RBFOX1: variants seen among roughly 807,000 people sequenced by gnomAD.
The protein encoded by RBFOX1 is RNA binding protein fox-1 homolog 1.
A neutral mutation model predicts 57.7 loss-of-function variants in RBFOX1; 8 were observed. The observed-to-expected ratio is 0.14, with a 90% CI of 0.08 to 0.25. The LOEUF (loss-of-function observed/expected upper bound fraction) is 0.25. RBFOX1 is among the 10% of genes least tolerant of loss of function. The probability of loss-of-function intolerance (pLI) is 1.00; values close to 1 mark genes in which losing one functional copy is unlikely to be tolerated. For missense variants in RBFOX1, 611 were observed against 548.5 expected (o/e 1.11, Z -1.14); for synonymous variants, 326 against 222.4 (o/e 1.47, Z -4.15).
At chr16:5,881,538 G>T (rs1043175439) in intron 4 of RBFOX1, among the ~76,000 whole-genome samples, 2 of 152,100 alleles carry the variant, frequency 1.3e-5, no homozygotes, top group Non-Finnish European at 2.9e-5. Context: ...AAATTAGCTG[G>T]GTGTGGTGGC....
At chr16:7,309,407 G>T (rs1447752392) in intron 4 of RBFOX1, among the ~76,000 whole-genome samples, 1 of 152,176 alleles carries the variant, frequency 6.6e-6, no homozygotes, top group Non-Finnish European at 1.5e-5. Context: ...TCTGAAAATT[G>T]TAAGCATCTG....
At chr16:6,503,794 C>T (rs1567472069) in intron 2 of RBFOX1, among the ~76,000 whole-genome samples, 1 of 152,144 alleles carries the variant, frequency 6.6e-6, no homozygotes, top group Non-Finnish European at 1.5e-5. Context: ...GGAAGCTTCA[C>T]ACTCACCTGG....
intron 4 of RBFOX1, among the ~76,000 whole-genome samples, chr16:7,063,960 A>T (rs1247004730): frequency 6.6e-6 from 1 of 152,138 alleles, no homozygotes; most frequent in East Asian, 1.9e-4. Context: ...TCTTGACACC[A>T]AGGTCCATGG....
intron 2 of RBFOX1, among the ~76,000 whole-genome samples, chr16:6,578,461 G>A (rs933591328): frequency 6.6e-6 from 1 of 152,062 alleles, no homozygotes; most frequent in Non-Finnish European, 1.5e-5. Flanking sequence ...CTGCTTCTCT[G>A]GGTATTTGGG....
chr16:6,926,764 T>G lies in RBFOX1; in HGVS notation c.-15-125293T>G, dbSNP rs917861391. 2.0e-5 allele frequency among the ~76,000 whole-genome samples: 3 copies of G among 152,322 alleles called. No homozygotes were observed. In the East Asian group the frequency reaches 5.8e-4, roughly 29 times the overall value. ...GCACACTTCTTGGAGACTGAACTTTTAAATGCTTCTGCTGGGTCTCTTGAG... is the reference window on the plus strand; with the variant it reads ...GCACACTTCTTGGAGACTGAACTTTGAAATGCTTCTGCTGGGTCTCTTGAG... On this transcript the variant is annotated intron_variant, in intron 3 of 15. Transcript: ENST00000550418.
At position 7,694,800 on chromosome 16, in the gene RBFOX1, G is replaced by A. The variant is rs192697446; in HGVS notation, c.996-14256G>A. 3.2e-4 allele frequency among the ~76,000 whole-genome samples: 48 copies of A among 152,216 alleles called. No individual in the cohort carries two copies. The East Asian group carries it at 5.8e-3, about 18-fold the overall frequency. ...GGAGCATGAAACAAAAGGGGAGACC[G>A]CTTGGAATGGGAGGTAGGGGTGGGG... On this transcript the variant is annotated intron_variant, in intron 14 of 15. Coordinates refer to ENST00000550418, the MANE Select transcript of RBFOX1 (RefSeq NM_018723.4).
At chr16:7,597,507 T>C (rs2094766947) in intron 9 of RBFOX1, 76 bp downstream of exon 9, 3 of 1,327,444 alleles carry the variant, frequency 2.3e-6, no homozygotes, top group East Asian at 4.8e-5. Flanking sequence ...GAGATTCTAT[T>C]ACAACAAGCT....
intron 4 of RBFOX1, among the ~76,000 whole-genome samples, chr16:7,233,644 G>A (rs907765622): frequency 5.3e-5 from 8 of 152,178 alleles, no homozygotes; most frequent in African/African-American, 1.9e-4. Flanking sequence ...TGTTTCCCTG[G>A]ATGCTGCCCT....
chr16:6,844,763 C>G (rs934495730), intron 3 of RBFOX1, among the ~76,000 whole-genome samples: 3 of 152,134 alleles, frequency 2.0e-5, no homozygotes, highest in Non-Finnish European at 4.4e-5. Context: ...AATTGTTAGA[C>G]CATCTTCTGC....
intron 2 of RBFOX1, among the ~76,000 whole-genome samples, chr16:6,554,657 C>A (rs1344291041): frequency 2.0e-5 from 3 of 152,094 alleles, no homozygotes; most frequent in Non-Finnish European, 4.4e-5. Flanking sequence ...CTGATTTGTG[C>A]AGACTTGTCC....
chr16:6,716,260 T>A (rs1442448209), intron 3 of RBFOX1, among the ~76,000 whole-genome samples: 1 of 152,194 alleles, frequency 6.6e-6, no homozygotes, highest in Non-Finnish European at 1.5e-5. Context: ...TTTGCCTGGA[T>A]TACTTACCAC....
At chr16:7,200,401 T>G (rs934603344) in intron 4 of RBFOX1, among the ~76,000 whole-genome samples, 1 of 152,318 alleles carries the variant, frequency 6.6e-6, no homozygotes, top group African/African-American at 2.4e-5. Context: ...TTAGAAAATA[T>G]AACCCACAAC....
At position 7,065,024 on chromosome 16, in the gene RBFOX1, A is replaced by G. The variant is rs550670922; in HGVS notation, c.27+12926A>G. On this transcript the variant is annotated intron_variant, in intron 4 of 15. Coordinates refer to ENST00000550418, the MANE Select transcript of RBFOX1 (RefSeq NM_018723.4). ...AATCAGATGGACGCAGCAATCCTCT[A>G]TTGTTCGATATGGATGGAGAAAGGA... Among the ~76,000 whole-genome samples, 164 of 152,222 alleles carry G rather than the reference A, an allele frequency of 1.1e-3. 1 individual carries two copies. The highest frequency in any genetic ancestry group is 3.8e-3 in the African/African-American group (157 of 41,534).
chr16:6,460,829 A>AAAAAT (rs2094901299), intron 2 of RBFOX1, among the ~76,000 whole-genome samples: 1 of 150,056 alleles, frequency 6.7e-6, no homozygotes. Flanking sequence ...CAGAATACCA[A>AAAAAT]AAAAAAAAAA....
chr16:6,006,307 C>T (rs1352997367), intron 4 of RBFOX1, among the ~76,000 whole-genome samples: 1 of 151,918 alleles, frequency 6.6e-6, no homozygotes, highest in African/African-American at 2.4e-5. Flanking sequence ...ATGGTTCAGC[C>T]CCGGGTATGT....
intron 3 of RBFOX1, among the ~76,000 whole-genome samples, chr16:7,046,674 C>T (rs1470887050): frequency 2.9e-5 from 4 of 138,242 alleles, no homozygotes; most frequent in African/African-American, 8.0e-5. Context: ...GGCATGATCT[C>T]GGCTCACTGC....
chr16:5,755,946 G>A (rs2053378741), intron 3 of RBFOX1, among the ~76,000 whole-genome samples: 1 of 152,114 alleles, frequency 6.6e-6, no homozygotes, highest in South Asian at 2.1e-4. Flanking sequence ...GGAAGTAGGA[G>A]ATGAAGTAAA....
chr16:5,689,777 A>G (rs1312025917), intron 3 of RBFOX1, among the ~76,000 whole-genome samples: 1 of 149,560 alleles, frequency 6.7e-6, no homozygotes, highest in Admixed American at 6.9e-5. Flanking sequence ...TTGGTCTTAG[A>G]CCAATCATTT....
intron 3 of RBFOX1, among the ~76,000 whole-genome samples, chr16:6,867,135 G>A (rs2060080048): frequency 6.6e-6 from 1 of 152,140 alleles, no homozygotes; most frequent in East Asian, 1.9e-4. Context: ...TCAGGTTTTA[G>A]CTTGGAGATG....
Sources: gnomAD v4.1 joint callset for allele counts (sites outside exome capture counted in the v4.1 genomes callset) on GRCh38, gnomAD v4.1.1 for gene constraint, MANE v1.5 for transcripts, NCBI Gene and HGNC (gene_info 2026-07-23, HGNC 2026-07-21) for gene names.